CSMD1: variants seen among roughly 807,000 people sequenced by gnomAD.
CSMD1 encodes CUB and sushi domain-containing protein 1.
In CSMD1, 213 loss-of-function variants were observed where a neutral mutation model predicts 417.5. The ratio of observed to expected loss-of-function variants is 0.51; its 90% CI spans 0.46 to 0.57. The LOEUF is 0.57. CSMD1 is among the 20% of genes least tolerant of loss of function. The pLI, the probability that CSMD1 is intolerant of heterozygous loss-of-function variation, is 0.00. For missense variants in CSMD1, 6,923 were observed against 4,529.7 expected (o/e 1.53, Z -15.17); for synonymous variants, 2,862 against 1,736.8 (o/e 1.65, Z -16.11).
chr8:4,116,006 TTATTTATTTATG>T, intron 3 of CSMD1, among the ~76,000 whole-genome samples: 1 of 100,110 alleles, frequency 1.0e-5, no homozygotes, highest in Admixed American at 1.1e-4. Context: ...ATTTATTTAT[TTATTTATTTATG>T]GAGAGGGAGT....
At chr8:4,823,908 A>G (rs1211399667) in intron 1 of CSMD1, among the ~76,000 whole-genome samples, 2 of 152,032 alleles carry the variant, frequency 1.3e-5, no homozygotes, top group Admixed American at 1.3e-4. Context: ...TCTTAACAAG[A>G]GAAGAAAGAG....
intron 12 of CSMD1, among the ~76,000 whole-genome samples, chr8:3,455,951 GGCTCCACCCAGTTCGAGCTTCCGGGCT>G (rs1816096223): frequency 6.6e-6 from 1 of 152,156 alleles, no homozygotes; most frequent in Non-Finnish European, 1.5e-5. Context: ...AGCTGAGGTG[GGCTCCACCCAGTTCGAGCTTCCGGGCT>G]GCTTTGTTTA....
chr8:4,796,822 G>A (rs1798005649), intron 1 of CSMD1, among the ~76,000 whole-genome samples: 1 of 152,092 alleles, frequency 6.6e-6, no homozygotes, highest in Non-Finnish European at 1.5e-5. Context: ...TTTATCTTGT[G>A]CAGTACAATT....
chr8:4,552,521 A>C lies in CSMD1; in HGVS notation c.302+84821T>G, dbSNP rs182617050. 1.3e-4 allele frequency among the ~76,000 whole-genome samples: 20 copies of C among 152,254 alleles called. No individual in the cohort carries two copies. In the East Asian group the frequency reaches 2.7e-3, roughly 21 times the overall value. ...CCAGATATATGCAGAACTCTGGAGA[A>C]GATTAATGAAGTCAGCTTTCCATTC... On this transcript the variant is annotated intron_variant, in intron 2 of 69. Coordinates refer to ENST00000635120, the MANE Select transcript of CSMD1 (RefSeq NM_033225.6).
At chr8:4,062,324 G>C (rs1436790520) in intron 3 of CSMD1, among the ~76,000 whole-genome samples, 1 of 152,022 alleles carries the variant, frequency 6.6e-6, no homozygotes, top group Admixed American at 6.6e-5. Flanking sequence ...TAAATAATAT[G>C]GTCCAGGGTG....
chr8:3,787,660 T>A (rs1799520660), intron 5 of CSMD1, among the ~76,000 whole-genome samples: 1 of 152,218 alleles, frequency 6.6e-6, no homozygotes, highest in Admixed American at 6.5e-5. Context: ...CTTGGTAATA[T>A]AATTTAGTAT....
intron 5 of CSMD1, among the ~76,000 whole-genome samples, chr8:3,923,658 T>C (rs1809439240): frequency 6.6e-6 from 1 of 152,194 alleles, no homozygotes; most frequent in Admixed American, 6.6e-5. Context: ...AATTTTCAAA[T>C]ATATAATACA....
At chr8:3,941,331 A>T (rs1157744397) in intron 5 of CSMD1, among the ~76,000 whole-genome samples, 1 of 152,120 alleles carries the variant, frequency 6.6e-6, no homozygotes, top group East Asian at 1.9e-4. Flanking sequence ...TGCCATTTAC[A>T]ACTTTTCTTC....
intron 3 of CSMD1, among the ~76,000 whole-genome samples, chr8:4,333,024 C>A (rs1174283964): frequency 6.6e-6 from 1 of 151,328 alleles, no homozygotes; most frequent in East Asian, 1.9e-4. Context: ...ATGTATTTCT[C>A]ATCCCACACA....
chr8:3,428,212 G>T (rs936299936), intron 12 of CSMD1, among the ~76,000 whole-genome samples: 1 of 150,998 alleles, frequency 6.6e-6, no homozygotes, highest in African/African-American at 2.4e-5. Context: ...TACGTAGAAT[G>T]AATTTCCTTG....
intron 3 of CSMD1, among the ~76,000 whole-genome samples, chr8:4,216,246 C>T (rs1276797400): frequency 3.3e-5 from 5 of 152,038 alleles, no homozygotes; most frequent in Admixed American, 1.3e-4. Flanking sequence ...TTTTTTCTGC[C>T]TGGAATCCTT....
intron 1 of CSMD1, among the ~76,000 whole-genome samples, chr8:4,957,434 C>A (rs1015527501): frequency 6.6e-6 from 1 of 152,202 alleles, no homozygotes; most frequent in Non-Finnish European, 1.5e-5. Flanking sequence ...ATGTAACAGG[C>A]GCTTTCTTCT....
At chr8:3,820,215 G>T (rs961086511) in intron 5 of CSMD1, among the ~76,000 whole-genome samples, 1 of 152,118 alleles carries the variant, frequency 6.6e-6, no homozygotes, top group Non-Finnish European at 1.5e-5. Context: ...GTTTGTTGAG[G>T]TCAGGGGTCA....
chr8:3,660,258 A>G (rs2117445837), intron 7 of CSMD1, among the ~76,000 whole-genome samples: 1 of 152,270 alleles, frequency 6.6e-6, no homozygotes, highest in South Asian at 2.1e-4. Context: ...GATCTTGTAT[A>G]CATTCTTTGC....
At chr8:3,172,789 C>T (rs970149155) in intron 37 of CSMD1, among the ~76,000 whole-genome samples, 1 of 152,334 alleles carries the variant, frequency 6.6e-6, no homozygotes, top group East Asian at 1.9e-4. Context: ...GGCAGTTGAA[C>T]CCAATGGCAA....
rs551228189 is a variant in CSMD1 at position 2,980,041 on chromosome 8, T to C, written c.8378-1241A>G. The stretch of plus-strand genomic sequence containing the variant: ...CATCGTCCCATTCTTACATCAAGCA[T>C]AAGAGATGGAATCAGCTCCCCCATG... On this transcript the variant is annotated intron_variant, in intron 54 of 69. Transcript: ENST00000635120. Among the ~76,000 whole-genome samples, 5 of 152,312 alleles carry C rather than the reference T, an allele frequency of 3.3e-5. No individual in the cohort carries two copies. In the East Asian group the frequency reaches 7.7e-4, roughly 24 times the overall value.
In CSMD1 at chr8:3,544,713, G is replaced by C. The variant is rs534839556; in HGVS notation, c.1344+30232C>G. On this transcript the variant is annotated intron_variant, in intron 10 of 69. Coordinates refer to ENST00000635120, the MANE Select transcript of CSMD1 (RefSeq NM_033225.6). ...GGCAGGAGCCACAGAAGCTTGACTA[G>C]ACGGGGTTCAGGGAGACCAGGATGC... Among the ~76,000 whole-genome samples the C allele has an allele frequency of 5.9e-5, 9 of 152,226 alleles. No individual in the cohort carries two copies. In the South Asian group the frequency reaches 1.7e-3, roughly 28 times the overall value.
At chr8:4,205,452 T>C (rs189973954) in intron 3 of CSMD1, among the ~76,000 whole-genome samples, 28 of 152,340 alleles carry the variant, frequency 1.8e-4, no homozygotes, top group Admixed American at 1.0e-3. Flanking sequence ...GATGCGCCCA[T>C]TTATATACTT....
rs112825747 is a variant in CSMD1 at position 4,460,499 on chromosome 8, G to C, written c.303-40434C>G. Reference sequence around the variant, plus strand: ...AGTGAGAATAATCAAGTATACAATAGAAAAAAATGAACGTAAGCAAATTCA... The same window carrying C: ...AGTGAGAATAATCAAGTATACAATACAAAAAAATGAACGTAAGCAAATTCA... On this transcript the variant is annotated intron_variant, in intron 2 of 69. Transcript: ENST00000635120. 1.3e-5 allele frequency among the ~76,000 whole-genome samples: 2 copies of C among 151,704 alleles called. 1 individual carries two copies. The highest frequency in any genetic ancestry group is 2.9e-5 in the Non-Finnish European group (2 of 67,908).
Sources: allele counts gnomAD v4.1 joint callset (sites outside exome capture counted in the v4.1 genomes callset), GRCh38; gene constraint gnomAD v4.1.1; transcripts MANE v1.5; gene names NCBI Gene and HGNC (gene_info 2026-07-23, HGNC 2026-07-21).